ZBTB24: variants seen among roughly 807,000 people sequenced by gnomAD.
ZBTB24 encodes the protein zinc finger and BTB domain-containing protein 24.
Under a neutral mutation model 53.8 loss-of-function variants are expected in ZBTB24, and 32 were observed. The observed-to-expected ratio is 0.60, with a 90% CI of 0.45 to 0.80. The LOEUF (loss-of-function observed/expected upper bound fraction) is 0.80. Ranked by LOEUF, ZBTB24 falls within the 30% of genes least tolerant of loss-of-function variation. ZBTB24 has a pLI of 0.00. For synonymous variants in ZBTB24, 297 were observed against 306.7 expected, an observed-to-expected ratio of 0.97 and a Z score of 0.33; for missense variants, 722 against 837.1, an observed-to-expected ratio of 0.86 and a Z score of 1.70.
At chr6:109,472,657 C>CAG in intron 5 of ZBTB24, among the ~76,000 whole-genome samples, 1 of 152,186 alleles carries the variant, frequency 6.6e-6, no homozygotes, top group East Asian at 1.9e-4. Flanking sequence ...TGTGGAAATC[C>CAG]AGAGCTCTGG....
intron 4 of ZBTB24, 99 bp downstream of exon 4, chr6:109,476,076 A>T (rs1464623089): frequency 1.5e-6 from 2 of 1,357,708 alleles, no homozygotes; most frequent in Non-Finnish European, 2.1e-6. Flanking sequence ...TATGTGAACG[A>T]TATGTGCTAA....
At chr6:109,482,528 T>C (rs1354351566) in intron 1 of ZBTB24, among the ~76,000 whole-genome samples, 1 of 149,916 alleles carries the variant, frequency 6.7e-6, no homozygotes, top group Admixed American at 6.6e-5. Context: ...AGTCTCGCTC[T>C]ATCGCCCAGG....
rs1776422457 is a variant in ZBTB24 at position 109,481,777 on chromosome 6, C to A, written c.250G>T (p.Ala84Ser). Residue 84 changes from alanine to serine, a missense_variant, in exon 2 of 7, where the codon GCA (alanine) becomes TCA (serine). Coordinates refer to ENST00000230122, the MANE Select transcript of ZBTB24 (RefSeq NM_014797.3). ...QSIYMLEGMV[A>S]DTFGILLEFI... ...TCCAGCAGGATACCAAAGGTGTCTG[C>A]AACCATGCCTTCCAGCATATAAATG... The A allele has an allele frequency of 1.2e-6, 2 of 1,614,210 alleles. No individual in the cohort carries two copies. The highest frequency in any genetic ancestry group is 1.7e-6 in the Non-Finnish European group (2 of 1,180,038).
At position 109,481,975 on chromosome 6, in the gene ZBTB24, C is replaced by A. The variant is rs762201716; in HGVS notation, c.52G>T (p.Ala18Ser). ...CTGGCCAGCACAGTGTCACTGTGAG[C>A]GTCTGAGTGTACAACAAGCTGCCCA... ...PSGQLVVHSD[A>S]HSDTVLASFE... The change falls in exon 2 of 7, where the codon GCT (alanine) becomes TCT (serine). Residue 18 changes from alanine to serine, a missense_variant. Ala to Ser is a moderately conservative substitution (Grantham distance 99, BLOSUM62 1). Transcript: ENST00000230122. The A allele has an allele frequency of 6.2e-7, 1 of 1,614,152 alleles. No individual in the cohort carries two copies. The highest frequency in any genetic ancestry group is 1.1e-5 in the South Asian group (1 of 91,080).
intron 5 of ZBTB24, among the ~76,000 whole-genome samples, chr6:109,474,058 CA>C (rs1381699370): frequency 7.1e-6 from 1 of 140,462 alleles, no homozygotes; most frequent in Non-Finnish European, 1.5e-5. Context: ...CACTGCACAA[CA>C]GCCTGGGCGA....
intron 3 of ZBTB24, 104 bp downstream of exon 3, chr6:109,476,659 T>A (rs528270892): frequency 6.8e-7 from 1 of 1,465,004 alleles, no homozygotes; most frequent in South Asian, 1.2e-5. Context: ...TGACACCACG[T>A]TGGAAATGAT....
Position 109,465,725 on chromosome 6 carries a change from C to A in ZBTB24, c.*126G>T. On this transcript the variant is annotated 3_prime_UTR_variant, in exon 7 of 7. Transcript: ENST00000230122. Reference sequence around the variant, plus strand: ...GGAGGGCATTATAAACATCAGTTAGCCATCACAGCTCTCACAGAAGCATCT... The same window carrying A: ...GGAGGGCATTATAAACATCAGTTAGACATCACAGCTCTCACAGAAGCATCT... The A allele has an allele frequency of 6.2e-7, 1 of 1,608,992 alleles. No homozygotes were observed. Among genetic ancestry groups the A allele is most frequent in the Non-Finnish European group, 8.5e-7 (1 of 1,179,728 alleles).
At chr6:109,475,183 C>G (rs151333268) in intron 5 of ZBTB24, among the ~76,000 whole-genome samples, 17 of 152,086 alleles carry the variant, frequency 1.1e-4, no homozygotes, top group African/African-American at 4.1e-4. Context: ...AGTAAGTGAT[C>G]TCCATTTTGC....
intron 6 of ZBTB24, 108 bp from the exon 7 acceptor site, chr6:109,466,682 A>C: frequency 7.1e-7 from 1 of 1,408,038 alleles, no homozygotes; most frequent in Non-Finnish European, 9.7e-7. Context: ...CTAGACTGCA[A>C]GTCATAAGTC....
In ZBTB24 at chr6:109,476,798, T is replaced by C. The variant is rs768038018; in HGVS notation, c.1085A>G (p.Lys362Arg). The change falls in exon 3 of 7, where the codon AAG becomes AGG. Residue 362 changes from lysine to arginine, a missense_variant. Physicochemically the swap from Lys to Arg is conservative, Grantham distance 26 (BLOSUM62 2). Transcript: ENST00000230122. The part of the protein sequence containing the change: ...CTVCSKALTT[K>R]HSLLEHMSLH... The stretch of plus-strand genomic sequence containing the variant: ...GCTCATGTGCTCCAGCAGTGAGTGC[T>C]TGGTGGTCAGAGCCTTGCTGCACAC... The C allele has an allele frequency of 1.1e-5, 18 of 1,613,844 alleles. No homozygotes were observed. The Admixed American group carries it at 1.8e-4, about 16-fold the overall frequency.
intron 2 of ZBTB24, among the ~76,000 whole-genome samples, chr6:109,480,482 G>A (rs202068171): frequency 6.6e-6 from 1 of 152,136 alleles, no homozygotes; most frequent in Non-Finnish European, 1.5e-5. Flanking sequence ...CCACCATATT[G>A]GACATCAGAG....
intron 5 of ZBTB24, among the ~76,000 whole-genome samples, chr6:109,471,068 GT>G (rs1358902694): frequency 1.3e-5 from 2 of 152,222 alleles, no homozygotes; most frequent in Non-Finnish European, 1.5e-5. Flanking sequence ...TGCAGTTTAT[GT>G]TTTGGTAAGT....
chr6:109,481,628 G>A lies in ZBTB24; in HGVS notation c.399C>T (p.Ser133=). The part of the protein sequence containing the change: ...KAYTDFQNNH[S]SPKPTTLNTA... Reference sequence around the variant, plus strand: ...TGTTCAAAGTTGTTGGCTTTGGGGAGCTATGATTATTTTGGAAGTCTGTGT... The same window carrying A: ...TGTTCAAAGTTGTTGGCTTTGGGGAACTATGATTATTTTGGAAGTCTGTGT... Residue 133 remains serine (S), a synonymous_variant, in exon 2 of 7, where the codon AGC becomes AGT. Coordinates refer to ENST00000230122, the MANE Select transcript of ZBTB24 (RefSeq NM_014797.3). The A allele has an allele frequency of 6.2e-7, 1 of 1,614,236 alleles. No individual in the cohort carries two copies. The highest frequency in any genetic ancestry group is 8.5e-7 in the Non-Finnish European group (1 of 1,180,050).
At chr6:109,472,339 T>C (rs1776184605) in intron 5 of ZBTB24, among the ~76,000 whole-genome samples, 1 of 152,180 alleles carries the variant, frequency 6.6e-6, no homozygotes, top group African/African-American at 2.4e-5. Flanking sequence ...CCCGTCTGTC[T>C]CCTTTTTAAC....
At chr6:109,467,922 CTG>C (rs1364924642) in intron 5 of ZBTB24, among the ~76,000 whole-genome samples, 188 bp from the exon 6 acceptor site, 1 of 152,184 alleles carries the variant, frequency 6.6e-6, no homozygotes, top group East Asian at 1.9e-4. Flanking sequence ...AACCTAAGCA[CTG>C]TGTGCCGAGT....
intron 5 of ZBTB24, among the ~76,000 whole-genome samples, chr6:109,474,749 A>AAAAAT (rs1554228251): frequency 6.6e-6 from 1 of 151,080 alleles, no homozygotes; most frequent in Non-Finnish European, 1.5e-5. Flanking sequence ...AAAAAAAAAA[A>AAAAAT]TTTATCTTGC....
chr6:109,468,394 C>A (rs185665981), intron 5 of ZBTB24, among the ~76,000 whole-genome samples: 1 of 151,966 alleles, frequency 6.6e-6, no homozygotes, highest in African/African-American at 2.4e-5. Context: ...GCCCTACAAG[C>A]GATCATAGAT....
chr6:109,480,907 A>G (rs999938401), intron 2 of ZBTB24, 168 bp downstream of exon 2: 1 of 1,441,016 alleles, frequency 6.9e-7, no homozygotes, highest in Non-Finnish European at 9.2e-7. Flanking sequence ...TATAATGAGG[A>G]TATTACCCAC....
intron 5 of ZBTB24, among the ~76,000 whole-genome samples, chr6:109,470,063 T>A (rs1239715162): frequency 1.3e-5 from 2 of 152,106 alleles, no homozygotes; most frequent in African/African-American, 4.8e-5. Context: ...GGAGGACCTC[T>A]AACAGGCTAT....
Sources: gnomAD v4.1 joint callset for allele counts (sites outside exome capture counted in the v4.1 genomes callset) on GRCh38, gnomAD v4.1.1 for gene constraint, MANE v1.5 for transcripts, NCBI Gene and HGNC (gene_info 2026-07-23, HGNC 2026-07-21) for gene names.